Variants in NTRK2 observed in about 807,000 individuals in gnomAD.
NTRK2 encodes BDNF/NT-3 growth factors receptor.
In NTRK2, 13 loss-of-function variants were observed where a neutral mutation model predicts 94.5. That is an observed-to-expected ratio of 0.14 (90% CI 0.09 to 0.22). The LOEUF is 0.22. Among genes scored for constraint, NTRK2 ranks in the 10% least tolerant of loss-of-function variants. The pLI is 1.00. For synonymous variants in NTRK2, 372 were observed against 407.4 expected, an observed-to-expected ratio of 0.91 and a Z score of 1.05; for missense variants, 639 against 1,071.2, an observed-to-expected ratio of 0.60 and a Z score of 5.63.
At chr9:84,990,326 C>G (rs1251205994) in intron 17 of NTRK2, among the ~76,000 whole-genome samples, 1 of 152,102 alleles carries the variant, frequency 6.6e-6, no homozygotes, top group Non-Finnish European at 1.5e-5. Context: ...AAAATGACAT[C>G]AGAGGAAAAA....
chr9:84,692,832 T>C (rs983905119), intron 2 of NTRK2, among the ~76,000 whole-genome samples: 1 of 150,082 alleles, frequency 6.7e-6, no homozygotes, highest in African/African-American at 2.5e-5. Flanking sequence ...ATTTTAGAGA[T>C]TGCTATGCAT....
Position 84,735,909 on chromosome 9 carries a change from G to A in NTRK2, c.1160-5983G>A, listed in dbSNP as rs567778823. On this transcript the variant is annotated intron_variant, in intron 9 of 18. Transcript: ENST00000277120. The stretch of plus-strand genomic sequence containing the variant: ...GGTTTCTTTTTGAGTAGAATTTGAG[G>A]CAGAAATTAATGGCAGAGAGATCAC... Among the ~76,000 whole-genome samples, 71 of 152,278 alleles carry A rather than the reference G, an allele frequency of 4.7e-4. No individual in the cohort carries two copies. In the South Asian group the frequency reaches 0.015, roughly 32 times the overall value.
At chr9:84,991,970 T>A (rs1829134220) in intron 17 of NTRK2, among the ~76,000 whole-genome samples, 1 of 152,148 alleles carries the variant, frequency 6.6e-6, no homozygotes, top group African/African-American at 2.4e-5. Flanking sequence ...TGCCTCCTCC[T>A]CCTCTGACCT....
At chr9:84,964,188 T>C (rs1010974666) in intron 17 of NTRK2, among the ~76,000 whole-genome samples, 4 of 152,226 alleles carry the variant, frequency 2.6e-5, no homozygotes, top group Non-Finnish European at 4.4e-5. Context: ...TTTGTATTCC[T>C]GTAAATATTT....
At chr9:85,008,823 G>A (rs548393853) in intron 17 of NTRK2, among the ~76,000 whole-genome samples, 17 of 152,298 alleles carry the variant, frequency 1.1e-4, no homozygotes, top group South Asian at 6.2e-4. Context: ...CAAATCCTGC[G>A]GCAAGGGTTT....
intron 9 of NTRK2, among the ~76,000 whole-genome samples, chr9:84,736,834 A>T (rs2063297790): frequency 6.6e-6 from 1 of 152,246 alleles, no homozygotes; most frequent in Admixed American, 6.5e-5. Context: ...GCTATATAGC[A>T]AATGAGTGGT....
chr9:84,814,946 C>A (rs1292383348), intron 12 of NTRK2: 2 of 1,059,676 alleles, frequency 1.9e-6, no homozygotes, highest in Admixed American at 5.4e-5. Context: ...GTAGTACCTG[C>A]AAACCATGCC....
intron 12 of NTRK2, among the ~76,000 whole-genome samples, chr9:84,849,203 C>G (rs923096202): frequency 6.6e-6 from 1 of 152,150 alleles, no homozygotes; most frequent in Non-Finnish European, 1.5e-5. Context: ...AGGGGGGACT[C>G]TATTCATTTC....
At chr9:84,739,928 TG>T (rs1200711918) in intron 9 of NTRK2, among the ~76,000 whole-genome samples, 1 of 152,206 alleles carries the variant, frequency 6.6e-6, no homozygotes, top group African/African-American at 2.4e-5. Flanking sequence ...GAATGTGAAT[TG>T]TGAAATAGAG....
intron 17 of NTRK2, among the ~76,000 whole-genome samples, chr9:84,986,324 G>A (rs1002897457): frequency 1.3e-5 from 2 of 152,154 alleles, no homozygotes; most frequent in Non-Finnish European, 2.9e-5. Context: ...GGGTTGTGAG[G>A]ATGTTTTTGG....
chr9:84,780,725 G>C (rs1224945885), intron 12 of NTRK2, among the ~76,000 whole-genome samples: 1 of 152,206 alleles, frequency 6.6e-6, no homozygotes, highest in Non-Finnish European at 1.5e-5. Context: ...ATCAGGGGTA[G>C]CGAATGGTGC....
chr9:84,994,655 G>A (rs1829520462), intron 17 of NTRK2, among the ~76,000 whole-genome samples: 1 of 152,110 alleles, frequency 6.6e-6, no homozygotes, highest in African/African-American at 2.4e-5. Context: ...TTTAGACTTT[G>A]GAATTCAAGC....
At chr9:84,907,472 G>T (rs1370018025) in intron 14 of NTRK2, among the ~76,000 whole-genome samples, 1 of 152,158 alleles carries the variant, frequency 6.6e-6, no homozygotes, top group African/African-American at 2.4e-5. Flanking sequence ...AAACAGAAAC[G>T]TTCTCTCTGA....
At chr9:84,802,929 C>T (rs1321754051) in intron 12 of NTRK2, among the ~76,000 whole-genome samples, 1 of 152,168 alleles carries the variant, frequency 6.6e-6, no homozygotes, top group Non-Finnish European at 1.5e-5. Context: ...ATTCAGGGAT[C>T]TGCCCTTATA....
chr9:84,905,724 T>A (rs1343654080), intron 14 of NTRK2, among the ~76,000 whole-genome samples: 1 of 151,958 alleles, frequency 6.6e-6, no homozygotes, highest in Non-Finnish European at 1.5e-5. Flanking sequence ...AATCTGGGAG[T>A]GTCAGGTAGG....
intron 9 of NTRK2, among the ~76,000 whole-genome samples, chr9:84,735,067 G>C (rs1207452634): frequency 6.6e-6 from 1 of 151,916 alleles, no homozygotes; most frequent in Non-Finnish European, 1.5e-5. Flanking sequence ...CCAATATTTA[G>C]GTACCTGGCT....
Position 85,024,951 on chromosome 9 carries a change from A to AT in NTRK2, c.*3515dup. 1 of 233,120 alleles carries AT rather than the reference A, an allele frequency of 4.3e-6. No individual in the cohort carries two copies. Among genetic ancestry groups the AT allele is most frequent in the East Asian group, 6.1e-5 (1 of 16,510 alleles). The allele number at this position is 233,120 out of a possible 1,614,324, so 14.4% of individuals were successfully genotyped here. ...TTGATTTATACATATACAAATGCACATACGTAGTGTGTTTGTGTGTTTATG... is the reference window on the plus strand; with the variant it reads ...TTGATTTATACATATACAAATGCACATTACGTAGTGTGTTTGTGTGTTTATG... On this transcript the variant is annotated 3_prime_UTR_variant, in exon 19 of 19. Coordinates refer to ENST00000277120, the MANE Select transcript of NTRK2 (RefSeq NM_006180.6).
chr9:84,972,176 G>T (rs950255137), intron 17 of NTRK2, among the ~76,000 whole-genome samples: 1 of 152,154 alleles, frequency 6.6e-6, no homozygotes, highest in Non-Finnish European at 1.5e-5. Context: ...GGACATACTA[G>T]CTACCTTCTG....
intron 14 of NTRK2, among the ~76,000 whole-genome samples, chr9:84,905,275 G>GGTGTGTGT (rs58470162): frequency 6.8e-6 from 1 of 147,846 alleles, no homozygotes; most frequent in Non-Finnish European, 1.5e-5. Context: ...GGTTTTAGAG[G>GGTGTGTGT]GTGTGTGTGT....
Sources: allele counts gnomAD v4.1 joint callset (sites outside exome capture counted in the v4.1 genomes callset), GRCh38; gene constraint gnomAD v4.1.1; transcripts MANE v1.5; gene names NCBI Gene and HGNC (gene_info 2026-07-23, HGNC 2026-07-21).